The following MGAT4C variants were observed in gnomAD, a reference collection of about 807,000 sequenced individuals.
MGAT4C encodes alpha-1,3-mannosyl-glycoprotein 4-beta-N-acetylglucosaminyltransferase C.
A neutral mutation model predicts 40.1 loss-of-function variants in MGAT4C; 19 were observed. The observed-to-expected ratio is 0.47, with a 90% CI of 0.33 to 0.70. The LOEUF (loss-of-function observed/expected upper bound fraction) is 0.70, where lower values mean the gene tolerates loss of function less well. Ranked by LOEUF, MGAT4C falls within the 30% of genes least tolerant of loss-of-function variation. The pLI, the probability that MGAT4C is intolerant of heterozygous loss-of-function variation, is 0.02. For synonymous variants in MGAT4C, 181 were observed against 187.1 expected, an observed-to-expected ratio of 0.97 and a Z score of 0.27; for missense variants, 491 against 563.2, an observed-to-expected ratio of 0.87 and a Z score of 1.30.
chr12:86,210,306 C>A (rs1273162106), intron 1 of MGAT4C, among the ~76,000 whole-genome samples: 1 of 152,068 alleles, frequency 6.6e-6, no homozygotes, highest in Non-Finnish European at 1.5e-5. Context: ...CTTGCAGGTG[C>A]AATGTTCAGC....
At chr12:86,243,169 A>G (rs938826220) in intron 1 of MGAT4C, among the ~76,000 whole-genome samples, 12 of 152,216 alleles carry the variant, frequency 7.9e-5, no homozygotes, top group African/African-American at 2.4e-4. Flanking sequence ...CAGGGTAGGC[A>G]TCTGGCCATC....
chr12:86,376,835 AG>A, intron 3 of MGAT4C, among the ~76,000 whole-genome samples: 1 of 108,002 alleles, frequency 9.3e-6, no homozygotes, highest in Non-Finnish European at 2.1e-5. Flanking sequence ...AGAGAGAGAG[AG>A]AGAGAGACAG....
intron 1 of MGAT4C, among the ~76,000 whole-genome samples, chr12:86,801,408 C>T (rs4463903): frequency 0.32 from 48,176 of 151,522 alleles, 9,473 homozygotes; most frequent in Admixed American, 0.46. Flanking sequence ...GGAAGAGATT[C>T]AAAATTTAGG....
intron 1 of MGAT4C, among the ~76,000 whole-genome samples, chr12:86,764,678 A>T (rs1347724638): frequency 6.6e-6 from 1 of 151,814 alleles, no homozygotes; most frequent in African/African-American, 2.4e-5. Context: ...CTTCCAGAGG[A>T]ACAATCAGAC....
intron 1 of MGAT4C, among the ~76,000 whole-genome samples, chr12:86,084,657 T>C (rs11117187): frequency 6.6e-6 from 1 of 151,714 alleles, no homozygotes; most frequent in African/African-American, 2.4e-5. Flanking sequence ...AGCTGTATTA[T>C]CAGAGTAAAA....
intron 3 of MGAT4C, among the ~76,000 whole-genome samples, chr12:86,379,558 T>C (rs1168281645): frequency 6.6e-6 from 1 of 152,088 alleles, no homozygotes; most frequent in African/African-American, 2.4e-5. Context: ...CATGATTATA[T>C]ATCTACTGCT....
At chr12:86,385,212 C>G (rs1019956961) in intron 3 of MGAT4C, among the ~76,000 whole-genome samples, 1 of 151,998 alleles carries the variant, frequency 6.6e-6, no homozygotes, top group Non-Finnish European at 1.5e-5. Context: ...AACTGACATG[C>G]TCTCACAAAC....
rs115045508 is a variant in MGAT4C at position 86,512,512 on chromosome 12, C to A, written c.-228-77247G>T. On this transcript the variant is annotated intron_variant, in intron 2 of 7. Coordinates refer to the MGAT4C transcript ENST00000548651. ...TACTTGGAGTATCATTCATAATGGC[C>A]GAAGTATGGAAATTTTTAATTGTCC... Among the ~76,000 whole-genome samples, 375 of 151,910 alleles carry A rather than the reference C, an allele frequency of 2.5e-3. 1 individual carries two copies. The highest frequency in any genetic ancestry group is 8.9e-3 in the African/African-American group (368 of 41,444).
At chr12:85,993,251 C>A (rs560948304) in intron 2 of MGAT4C, among the ~76,000 whole-genome samples, 2 of 152,290 alleles carry the variant, frequency 1.3e-5, no homozygotes, top group East Asian at 3.9e-4. Flanking sequence ...GGGAATCCTG[C>A]AAGTGGCAGA....
intron 1 of MGAT4C, among the ~76,000 whole-genome samples, chr12:86,167,590 TCCCATA>T (rs1886325741): frequency 6.6e-6 from 1 of 152,106 alleles, no homozygotes; most frequent in Non-Finnish European, 1.5e-5. Flanking sequence ...GTGAGGACCA[TCCCATA>T]GCAGAAGGTT....
chr12:86,040,869 G>A (rs1891757786), intron 2 of MGAT4C, among the ~76,000 whole-genome samples: 1 of 152,178 alleles, frequency 6.6e-6, no homozygotes, highest in Non-Finnish European at 1.5e-5. Context: ...AAAACCATGG[G>A]AAAGCACAGT....
intron 2 of MGAT4C, among the ~76,000 whole-genome samples, chr12:86,541,161 T>C (rs1959165862): frequency 6.6e-6 from 1 of 152,202 alleles, no homozygotes; most frequent in Non-Finnish European, 1.5e-5. Flanking sequence ...TTTCCTATCC[T>C]TCATGTTGTT....
chr12:86,185,595 G>A (rs1227893657), intron 1 of MGAT4C, among the ~76,000 whole-genome samples: 1 of 152,106 alleles, frequency 6.6e-6, no homozygotes, highest in African/African-American at 2.4e-5. Flanking sequence ...CATTCTAATT[G>A]TGGATAGTCA....
At chr12:86,433,473 T>A (rs1308479703) in intron 3 of MGAT4C, among the ~76,000 whole-genome samples, 3 of 151,964 alleles carry the variant, frequency 2.0e-5, no homozygotes, top group Admixed American at 2.0e-4. Flanking sequence ...CATGTGCCTA[T>A]TGCAACAGTC....
intron 1 of MGAT4C, among the ~76,000 whole-genome samples, chr12:86,210,646 TA>T (rs1950426195): frequency 6.6e-6 from 1 of 152,198 alleles, no homozygotes; most frequent in African/African-American, 2.4e-5. Flanking sequence ...AATCATCACT[TA>T]CATTTACCTT....
chr12:86,830,712 TAATGAAACAAAC>T (rs1215069368), intron 1 of MGAT4C, among the ~76,000 whole-genome samples: 14 of 121,854 alleles, frequency 1.1e-4, no homozygotes, highest in African/African-American at 3.5e-4. Context: ...AGATGGCTCC[TAATGAAACAAAC>T]AAACAAACAA....
intron 2 of MGAT4C, among the ~76,000 whole-genome samples, chr12:86,706,733 A>G (rs1249353195): frequency 6.6e-6 from 1 of 152,180 alleles, no homozygotes. Context: ...AAACAAAAAC[A>G]AAAACAACAA....
At chr12:86,353,863 A>G (rs922473090) in intron 3 of MGAT4C, among the ~76,000 whole-genome samples, 2 of 152,234 alleles carry the variant, frequency 1.3e-5, no homozygotes, top group Non-Finnish European at 2.9e-5. Context: ...GTAGATGTGC[A>G]CGAGCGTAAT....
At chr12:86,494,535 G>T (rs1361489957) in intron 2 of MGAT4C, among the ~76,000 whole-genome samples, 2 of 150,728 alleles carry the variant, frequency 1.3e-5, no homozygotes, top group African/African-American at 4.9e-5. Context: ...GACTATTAAA[G>T]AAATATATTT....
Sources: allele counts gnomAD v4.1 joint callset (sites outside exome capture counted in the v4.1 genomes callset), GRCh38; gene constraint gnomAD v4.1.1; transcripts MANE v1.5; gene names NCBI Gene and HGNC (gene_info 2026-07-23, HGNC 2026-07-21).